The following H2BC5 variants were observed in gnomAD, a reference collection of about 807,000 sequenced individuals.
H2BC5 encodes histone H2B type 1-D.
In H2BC5, 9 loss-of-function variants were observed where a neutral mutation model predicts 5.7. That is an observed-to-expected ratio of 1.57 (90% confidence interval 0.95 to 2.74). The LOEUF (loss-of-function observed/expected upper bound fraction) is 2.74. Among genes scored for constraint, H2BC5 ranks in the 30% most tolerant of loss-of-function variants. The pLI is 0.00. For missense variants in H2BC5, 175 were observed against 168.8 expected (o/e 1.04, Z -0.20); for synonymous variants, 133 against 70.9 (o/e 1.88, Z -4.40).
At chr6:26,166,775 C>T (rs1764437721) in intron 1 of H2BC5, among the ~76,000 whole-genome samples, 1 of 142,444 alleles carries the variant, frequency 7.0e-6, no homozygotes. Flanking sequence ...TCTTGGCTCA[C>T]TGCAACCTCC....
At chr6:26,163,049 C>T (rs1254228557), downstream of H2BC5, among the ~76,000 whole-genome samples, 2 of 151,852 alleles carry the variant, frequency 1.3e-5, no homozygotes, top group African/African-American at 4.8e-5. Context: ...TTAAATAATA[C>T]CTGGGTAAAT....
chr6:26,169,049 A>G (rs1211595012), intron 1 of H2BC5, among the ~76,000 whole-genome samples: 1 of 152,194 alleles, frequency 6.6e-6, no homozygotes, highest in Non-Finnish European at 1.5e-5. Context: ...GGAAAAAACA[A>G]ATTAATGAAA....
chr6:26,166,591 A>G (rs1463787445), intron 1 of H2BC5, among the ~76,000 whole-genome samples: 2 of 151,870 alleles, frequency 1.3e-5, no homozygotes, highest in Non-Finnish European at 2.9e-5. Flanking sequence ...CATCTTCTTC[A>G]CACACATTCC....
intron 1 of H2BC5, among the ~76,000 whole-genome samples, chr6:26,164,997 G>C (rs1458575777): frequency 3.3e-5 from 5 of 152,220 alleles, no homozygotes; most frequent in Admixed American, 3.3e-4. Flanking sequence ...AGCCCAGAGA[G>C]ATGCTGCTCA....
chr6:26,160,358 CTAAAT>C (rs199638544), downstream of H2BC5, among the ~76,000 whole-genome samples: 411 of 152,078 alleles, frequency 2.7e-3, 3 homozygotes, highest in East Asian at 0.012. Flanking sequence ...GCTTCACAAT[CTAAAT>C]TAAACATCAT....
intron 1 of H2BC5, chr6:26,164,236 C>A: frequency 2.8e-6 from 1 of 357,878 alleles, no homozygotes. Context: ...GCAGACCTGC[C>A]ACCATGATCA....
At chr6:26,169,186 G>A (rs575862697) in intron 1 of H2BC5, among the ~76,000 whole-genome samples, 1 of 152,102 alleles carries the variant, frequency 6.6e-6, no homozygotes, top group Non-Finnish European at 1.5e-5. Flanking sequence ...AGCAGAGAGA[G>A]GTATAAAGAA....
downstream of H2BC5, chr6:26,158,629 A>G: frequency 3.2e-6 from 5 of 1,567,684 alleles, no homozygotes; most frequent in South Asian, 5.9e-5. Flanking sequence ...AATGAGTTGT[A>G]ATCATTTCAT....
At chr6:26,164,564 ACTT>A (rs1238772193) in intron 1 of H2BC5, among the ~76,000 whole-genome samples, 6 of 151,276 alleles carry the variant, frequency 4.0e-5, no homozygotes, top group East Asian at 4.0e-4. Context: ...TTACATCCTA[ACTT>A]CTTCTGAGAG....
At chr6:26,162,829 G>A (rs897726729), downstream of H2BC5, among the ~76,000 whole-genome samples, 8 of 152,102 alleles carry the variant, frequency 5.3e-5, no homozygotes, top group African/African-American at 1.7e-4. Flanking sequence ...GTGAGCCACC[G>A]TGCCGAGCCC....
chr6:26,171,005 A>G (rs1764507719), exon 2 of H2BC5: 1 of 152,208 alleles, frequency 6.6e-6, no homozygotes, highest in South Asian at 2.1e-4. Flanking sequence ...GGAGAAATGA[A>G]TGCATAAAAT....
intron 1 of H2BC5, among the ~76,000 whole-genome samples, chr6:26,169,776 T>C (rs963038698): frequency 6.6e-6 from 1 of 151,952 alleles, no homozygotes; most frequent in Non-Finnish European, 1.5e-5. Flanking sequence ...CTGGCCAATA[T>C]GGTGAAACCC....
rs142728540 is a variant in H2BC5, at chr6:26,158,272, A to C, written c.103A>C (p.Lys35Gln). 17 of 1,614,142 alleles carry C rather than the reference A, an allele frequency of 1.1e-5. No homozygotes were observed. Among genetic ancestry groups the C allele is most frequent in the African/African-American group, 2.7e-5 (2 of 74,946 alleles). The change falls in exon 1 of 1, where the codon AAG (lysine) becomes CAG (glutamine). Residue 35 changes from lysine to glutamine, a missense_variant. Around this residue, in one of 4 missense-constraint regions of H2BC5, gnomAD observed 119 missense variants for 85.6 expected, o/e 1.39. Transcript: ENST00000377777. ...KDGKKRKRSRKESYSVYVYKV... is the reference protein window; with the variant it reads ...KDGKKRKRSRQESYSVYVYKV... ...CGGGAAGAAGCGCAAGCGCAGCCGC[A>C]AGGAGAGCTATTCAGTGTATGTGTA...
intron 1 of H2BC5, among the ~76,000 whole-genome samples, chr6:26,165,813 G>A (rs761285456): frequency 1.3e-5 from 2 of 152,224 alleles, no homozygotes; most frequent in Non-Finnish European, 2.9e-5. Flanking sequence ...ACCTGGGAAT[G>A]AGGGATGAAA....
downstream of H2BC5, among the ~76,000 whole-genome samples, chr6:26,159,243 GTTTTTTT>G (rs35999697): frequency 3.3e-4 from 20 of 61,406 alleles, no homozygotes; most frequent in Admixed American, 4.9e-4. Flanking sequence ...TAATTTATAG[GTTTTTTT>G]TTTTTTTTTT....
rs1001430999 is a variant in H2BC5 at position 26,170,974 on chromosome 6, G to T, written c.*10-1G>T. On this transcript the variant is annotated splice_acceptor_variant, in intron 1 of 1. Transcript: ENST00000289316. LOFTEE classifies it low-confidence loss of function (3UTR_SPLICE). ...TAAACCCTTCTTATTTCTTCAATCA[G>T]GGGAGAGACATGAAGACAGAGGAGA... The T allele has an allele frequency of 1.3e-5, 2 of 152,116 alleles. No homozygotes were observed. Among genetic ancestry groups the T allele is most frequent in the Non-Finnish European group, 2.9e-5 (2 of 68,022 alleles). The allele number at this position is 152,116 out of a possible 1,614,324, so 9.4% of individuals were successfully genotyped here.
At position 26,158,573 on chromosome 6, in the gene H2BC5, C is replaced by T; in HGVS notation, c.*23C>T. ...TAACTTTGCCAAGTAAGCATCTTTA[C>T]ACCTAATCCCAAAGGCTCTTTTAAG... On this transcript the variant is annotated 3_prime_UTR_variant, in exon 1 of 1. Coordinates refer to ENST00000377777, the MANE Select transcript of H2BC5 (RefSeq NM_021063.4). 3 of 1,610,062 alleles carry T rather than the reference C, an allele frequency of 1.9e-6. No individual in the cohort carries two copies. Among genetic ancestry groups the T allele is most frequent in the African/African-American group, 1.3e-5 (1 of 74,768 alleles).
downstream of H2BC5, among the ~76,000 whole-genome samples, chr6:26,162,261 AAT>A (rs149176474): frequency 0.034 from 5,133 of 152,294 alleles, 97 homozygotes; most frequent in Non-Finnish European, 0.036. Context: ...AATCCTAATC[AAT>A]AGTCGACTGA....
chr6:26,165,755 T>C (rs1306866792), intron 1 of H2BC5, among the ~76,000 whole-genome samples: 2 of 152,020 alleles, frequency 1.3e-5, no homozygotes, highest in African/African-American at 4.8e-5. Flanking sequence ...CCTGGTCTCA[T>C]CCCCCCTCTG....
Sources: allele counts gnomAD v4.1 joint callset (sites outside exome capture counted in the v4.1 genomes callset), GRCh38; gene constraint gnomAD v4.1.1; regional missense constraint gnomAD v4.1.1; transcripts MANE v1.5; gene names NCBI Gene and HGNC (gene_info 2026-07-23, HGNC 2026-07-21).